Variants in CTNND2 observed in about 807,000 individuals in gnomAD.
CTNND2 encodes catenin delta 2.
In CTNND2, 22 loss-of-function variants were observed where a neutral mutation model predicts 144.4. The observed-to-expected ratio is 0.15, with a 90% CI of 0.11 to 0.22. CTNND2 has a LOEUF of 0.22. CTNND2 is among the 10% of genes least tolerant of loss of function. CTNND2 has a pLI of 1.00. For synonymous variants in CTNND2, 751 were observed against 695.6 expected (o/e 1.08, Z -1.25); for missense variants, 1,353 against 1,618.8 (o/e 0.84, Z 2.82).
chr5:11,331,178 A>C (rs1045996564), intron 9 of CTNND2, among the ~76,000 whole-genome samples: 11 of 152,192 alleles, frequency 7.2e-5, no homozygotes, highest in African/African-American at 2.7e-4. Flanking sequence ...GCCTGGCTTG[A>C]AATATAGCAG....
At chr5:11,514,877 A>C (rs1772018288) in intron 3 of CTNND2, among the ~76,000 whole-genome samples, 1 of 152,138 alleles carries the variant, frequency 6.6e-6, no homozygotes, top group South Asian at 2.1e-4. Flanking sequence ...ATCGTGGCTC[A>C]CTGCAACTTC....
rs148813313 is a variant in CTNND2, at chr5:11,519,565, T to C, written c.287+45379A>G. 1.8e-4 allele frequency among the ~76,000 whole-genome samples: 28 copies of C among 152,072 alleles called. No homozygotes were observed. In the East Asian group the frequency reaches 4.1e-3, roughly 22 times the overall value. ...ATTAGAGTGCTTCAGGCCTAGACGA[T>C]TGGCGTCTTGTCTTCTGCATCTCTA... On this transcript the variant is annotated intron_variant, in intron 3 of 21. Transcript: ENST00000304623.
chr5:11,501,943 G>C (rs1413312709), intron 3 of CTNND2, among the ~76,000 whole-genome samples: 1 of 150,290 alleles, frequency 6.7e-6, no homozygotes. Flanking sequence ...CAGGAGAATG[G>C]TGTGAACCCA....
At chr5:11,081,194 T>G (rs1480367330) in intron 16 of CTNND2, among the ~76,000 whole-genome samples, 1 of 150,380 alleles carries the variant, frequency 6.6e-6, no homozygotes, top group East Asian at 2.0e-4. Context: ...TGGGGAGATG[T>G]TGGTGGAAGG....
chr5:11,266,925 C>G (rs1745497925), intron 9 of CTNND2, among the ~76,000 whole-genome samples: 1 of 152,202 alleles, frequency 6.6e-6, no homozygotes, highest in Non-Finnish European at 1.5e-5. Context: ...GTTGCCCAGG[C>G]TGGAGTGCAA....
Position 11,384,832 on chromosome 5 carries a change from A to C in CTNND2, c.1010T>G (p.Val337Gly), listed in dbSNP as rs1758881856. ...GGGCGAGGAGGAGATGGTGGACTGC[A>C]CGGTGGGGGGCGAGGTCACGCGGAT... is the stretch of plus-strand genomic sequence containing the variant. ...SPIRVTSPPT[V>G]QSTISSSPIH... Residue 337 changes from valine (V) to glycine (G), a missense_variant, in exon 7 of 22, where the codon GTG becomes GGG. Transcript: ENST00000304623. The surrounding 1 kb of genome is among the most constrained non-coding windows in gnomAD (Gnocchi z 5.2). The C allele has an allele frequency of 1.2e-6, 2 of 1,612,970 alleles. No individual in the cohort carries two copies. The highest frequency in any genetic ancestry group is 2.2e-5 in the East Asian group (1 of 44,852).
intron 9 of CTNND2, among the ~76,000 whole-genome samples, chr5:11,257,159 CAGT>C (rs945082580): frequency 2.6e-4 from 39 of 152,138 alleles, no homozygotes; most frequent in African/African-American, 8.9e-4. Context: ...AATGGTGTAG[CAGT>C]AGGTTTTCTC....
At chr5:11,430,020 G>T (rs749174074) in intron 3 of CTNND2, among the ~76,000 whole-genome samples, 1 of 152,060 alleles carries the variant, frequency 6.6e-6, no homozygotes, top group Non-Finnish European at 1.5e-5. Flanking sequence ...GGGAGGCCGA[G>T]GTGGGTGGAT....
intron 1 of CTNND2, among the ~76,000 whole-genome samples, chr5:11,866,457 G>A (rs1228566381): frequency 6.6e-6 from 1 of 152,206 alleles, no homozygotes. Context: ...TGAGCAGGAT[G>A]TTCAAATCTC....
chr5:11,035,310 C>T (rs1357675065), intron 16 of CTNND2, among the ~76,000 whole-genome samples: 1 of 152,118 alleles, frequency 6.6e-6, no homozygotes, highest in Non-Finnish European at 1.5e-5. Flanking sequence ...GAATCATTTT[C>T]TTGCCTTTTC....
intron 2 of CTNND2, among the ~76,000 whole-genome samples, chr5:11,576,959 C>T (rs949480747): frequency 6.6e-6 from 1 of 152,156 alleles, no homozygotes; most frequent in Non-Finnish European, 1.5e-5. Flanking sequence ...GGTACTGCTG[C>T]TGAATTTCTG....
At chr5:11,178,213 G>A (rs1760661306) in intron 11 of CTNND2, among the ~76,000 whole-genome samples, 1 of 152,284 alleles carries the variant, frequency 6.6e-6, no homozygotes, top group South Asian at 2.1e-4. Flanking sequence ...GTCTTACTAT[G>A]AAATCAAAGA....
chr5:11,516,031 T>C (rs1341775808), intron 3 of CTNND2, among the ~76,000 whole-genome samples: 3 of 152,058 alleles, frequency 2.0e-5, no homozygotes, highest in African/African-American at 7.2e-5. Context: ...TGCTTGAGCT[T>C]GGGAGATTGA....
At chr5:11,836,016 T>C (rs1233470380) in intron 1 of CTNND2, among the ~76,000 whole-genome samples, 2 of 152,190 alleles carry the variant, frequency 1.3e-5, no homozygotes, top group African/African-American at 4.8e-5. Context: ...TACAATGCAT[T>C]TTAATTTTCA....
chr5:11,177,180 T>C (rs1032044857), intron 11 of CTNND2, among the ~76,000 whole-genome samples: 9 of 152,206 alleles, frequency 5.9e-5, no homozygotes, highest in African/African-American at 2.2e-4. Context: ...CAATTTCCAA[T>C]GCACTCAGGT....
intron 1 of CTNND2, among the ~76,000 whole-genome samples, chr5:11,743,319 T>C (rs1251346828): frequency 1.3e-5 from 2 of 152,228 alleles, no homozygotes; most frequent in African/African-American, 2.4e-5. Context: ...TTTGAAATGA[T>C]ACTCCTTTAT....
At chr5:11,117,725 C>T (rs1753706635) in intron 12 of CTNND2, among the ~76,000 whole-genome samples, 158 bp from the exon 13 acceptor site, 1 of 152,194 alleles carries the variant, frequency 6.6e-6, no homozygotes, top group African/African-American at 2.4e-5. Context: ...GGGATGGCTT[C>T]CACAAAACAC....
intron 1 of CTNND2, among the ~76,000 whole-genome samples, chr5:11,808,886 C>G (rs185598766): frequency 6.6e-6 from 1 of 152,234 alleles, no homozygotes; most frequent in East Asian, 1.9e-4. Flanking sequence ...ATATTGACAA[C>G]TGCAGACAAA....
At chr5:11,806,635 T>C (rs1290730948) in intron 1 of CTNND2, among the ~76,000 whole-genome samples, 1 of 152,096 alleles carries the variant, frequency 6.6e-6, no homozygotes, top group Non-Finnish European at 1.5e-5. Context: ...CCTGGGTAAG[T>C]TCTTTAGCAT....
Sources: allele counts gnomAD v4.1 joint callset (sites outside exome capture counted in the v4.1 genomes callset), GRCh38; gene constraint gnomAD v4.1.1; non-coding constraint Gnocchi (gnomAD v3.1); transcripts MANE v1.5; gene names NCBI Gene and HGNC (gene_info 2026-07-23, HGNC 2026-07-21).